Variants in SEC61A1 observed in about 807,000 individuals in gnomAD.
The protein encoded by SEC61A1 is SEC61 translocon subunit alpha 1, also known as protein transport protein Sec61 subunit alpha isoform 1.
SEC61A1 carries 15 observed loss-of-function variants against 55.2 expected under a neutral mutation model. That is an observed-to-expected ratio of 0.27 (90% confidence interval 0.18 to 0.42). The LOEUF is 0.42. SEC61A1 is among the 10% of genes least tolerant of loss of function. The pLI, the probability that SEC61A1 is intolerant of heterozygous loss-of-function variation, is 1.00. For missense variants in SEC61A1, 284 were observed against 602.6 expected, an observed-to-expected ratio of 0.47 and a Z score of 5.53; for synonymous variants, 247 against 234.0, an observed-to-expected ratio of 1.06 and a Z score of -0.51.
rs747986918 is a variant in SEC61A1 at position 128,067,647 on chromosome 3, A to G, written c.1167+35A>G. On this transcript the variant is annotated intron_variant, in intron 10 of 11. Transcript: ENST00000243253. This position sits in a 1 kb window ranked among gnomAD's most constrained non-coding sequence, Gnocchi z 4.1. Reference sequence around the variant, plus strand: ...AGCAAAACTTTCTGGAAGGGTGATGAAAGTGTGACTGGTATAAGGGGTGTG... The same window carrying G: ...AGCAAAACTTTCTGGAAGGGTGATGGAAGTGTGACTGGTATAAGGGGTGTG... The G allele has an allele frequency of 8.6e-6, 13 of 1,519,950 alleles. No individual in the cohort carries two copies. In the South Asian group the frequency reaches 1.3e-4, roughly 15 times the overall value. 94.2% of individuals were successfully genotyped at this position (1,519,950 alleles called of 1,614,324 possible).
chr3:128,071,306 G>C lies in SEC61A1; in HGVS notation c.*1644G>C, dbSNP rs937706406. The C allele has an allele frequency of 1.3e-5, 2 of 152,484 alleles. No individual in the cohort carries two copies. Among genetic ancestry groups the C allele is most frequent in the African/African-American group, 4.8e-5 (2 of 41,468 alleles). The allele number at this position is 152,484 out of a possible 1,614,324, so 9.4% of individuals were successfully genotyped here. A position where few individuals can be genotyped will look rare whatever the true frequency, so the allele number is the denominator to read the frequency against. ...TCTAGACCCAGTCCTGAGCAGGGGA[G>C]AGGCTCTTGAGACCTGATGCCCTCC... On this transcript the variant is annotated 3_prime_UTR_variant, in exon 12 of 12. Coordinates refer to ENST00000243253, the MANE Select transcript of SEC61A1 (RefSeq NM_013336.4).
intron 11 of SEC61A1, 136 bp downstream of exon 11, chr3:128,068,195 G>A: frequency 3.0e-6 from 2 of 656,696 alleles, no homozygotes; most frequent in Admixed American, 2.7e-5. Flanking sequence ...AGAATTAAAT[G>A]TTATATATTT....
At chr3:128,056,984 T>C (rs956441224) in intron 5 of SEC61A1, 144 bp downstream of exon 5, 46 of 553,526 alleles carry the variant, frequency 8.3e-5, no homozygotes, top group Non-Finnish European at 9.1e-5. Context: ...TTGCCCAGGC[T>C]GGAGTGCAGT....
intron 7 of SEC61A1, chr3:128,064,639 G>C (rs1183260775): frequency 4.0e-6 from 2 of 502,624 alleles, no homozygotes; most frequent in African/African-American, 3.8e-5. Context: ...CCGAGAGAGA[G>C]GGACCCTGTC....
chr3:128,060,254 C>T (rs375117047), intron 6 of SEC61A1, 43 bp downstream of exon 6: 1 of 1,365,972 alleles, frequency 7.3e-7, no homozygotes, highest in African/African-American at 1.4e-5. Flanking sequence ...GCCCCTCACA[C>T]TTACCTACAA....
chr3:128,058,033 T>G (rs1941798459), intron 5 of SEC61A1, among the ~76,000 whole-genome samples: 1 of 152,040 alleles, frequency 6.6e-6, no homozygotes, highest in Non-Finnish European at 1.5e-5. Flanking sequence ...GTGTTACTAG[T>G]AACAATTACT....
At chr3:128,058,201 ATTTTTTT>A (rs57508280) in intron 5 of SEC61A1, among the ~76,000 whole-genome samples, 143 of 79,374 alleles carry the variant, frequency 1.8e-3, no homozygotes, top group African/African-American at 6.6e-3. Flanking sequence ...AAATACGTCT[ATTTTTTT>A]TTTTTTTTTT....
intron 4 of SEC61A1, 92 bp downstream of exon 4, chr3:128,055,843 T>C (rs1252226135): frequency 2.0e-6 from 2 of 1,016,382 alleles, no homozygotes; most frequent in Admixed American, 3.9e-5. Flanking sequence ...ATATGGAACT[T>C]AGAGAGTGAC....
chr3:128,064,738 C>G, intron 7 of SEC61A1, 139 bp from the exon 8 acceptor site: 1 of 651,606 alleles, frequency 1.5e-6, no homozygotes, highest in Non-Finnish European at 2.7e-6. Context: ...ATAATACATG[C>G]TGTATCCCTG....
intron 1 of SEC61A1, 98 bp downstream of exon 1, chr3:128,052,657 C>T: frequency 2.6e-6 from 4 of 1,543,672 alleles, no homozygotes; most frequent in Non-Finnish European, 3.5e-6. Context: ...CCCTGACCGG[C>T]CCCCTGCAGA....
Position 128,060,142 on chromosome 3 carries a change from T to C in SEC61A1, c.393T>C (p.Tyr131=). The C allele has an allele frequency of 6.2e-7, 1 of 1,614,036 alleles. No individual in the cohort carries two copies. Among genetic ancestry groups the C allele is most frequent in the East Asian group, 2.2e-5 (1 of 44,904 alleles). Residue 131 remains tyrosine, a synonymous_variant, in exon 6 of 12, where the codon TAT becomes TAC. Transcript: ENST00000243253. ...TTACTATCGGCCAGTCTATCGTGTA[T>C]GTGATGACCGGGATGTATGGGGACC... ...MIITIGQSIV[Y]VMTGMYGDPS...
At chr3:128,065,101 G>T (rs754918599) in intron 8 of SEC61A1, 64 bp downstream of exon 8, 4 of 1,525,240 alleles carry the variant, frequency 2.6e-6, no homozygotes, top group Non-Finnish European at 3.6e-6. Context: ...AATGCCTTGT[G>T]TGCAGTCCCC....
At chr3:128,066,092 C>T (rs931512045) in intron 8 of SEC61A1, among the ~76,000 whole-genome samples, 2 of 151,948 alleles carry the variant, frequency 1.3e-5, no homozygotes, top group Non-Finnish European at 2.9e-5. Flanking sequence ...GTTCTAGGTA[C>T]TGGGAGCTCA....
At chr3:128,054,012 T>A (rs1366650126) in intron 2 of SEC61A1, among the ~76,000 whole-genome samples, 1 of 152,202 alleles carries the variant, frequency 6.6e-6, no homozygotes, top group African/African-American at 2.4e-5. Context: ...TGTAGCATGT[T>A]TGGATGGGAG....
chr3:128,056,937 A>ATTTT, intron 5 of SEC61A1, 97 bp downstream of exon 5: 1 of 850,840 alleles, frequency 1.2e-6, no homozygotes, highest in Non-Finnish European at 1.6e-6. Flanking sequence ...TTTATTTTTT[A>ATTTT]TTTTTTTTTT....
At position 128,066,934 on chromosome 3, in the gene SEC61A1, G is replaced by T; in HGVS notation, c.778-20G>T. 6.2e-7 allele frequency: 1 copy of T among 1,613,664 alleles called. No homozygotes were observed. The highest frequency in any genetic ancestry group is 2.2e-5 in the East Asian group (1 of 44,870). On this transcript the variant is annotated intron_variant, in intron 8 of 11. Transcript: ENST00000243253. ...TGAAATGAGGCAGTGAAGGGGATTT[G>T]GTTCTGTTTGGCTTCTCAGGGCTTC...
intron 2 of SEC61A1, among the ~76,000 whole-genome samples, chr3:128,053,419 C>T (rs1446583063): frequency 6.6e-6 from 1 of 152,116 alleles, no homozygotes. Context: ...TTTTCACAGA[C>T]GGTGTATTAA....
intron 7 of SEC61A1, among the ~76,000 whole-genome samples, chr3:128,063,242 C>CT (rs1378859303): frequency 6.6e-6 from 1 of 152,212 alleles, no homozygotes; most frequent in Non-Finnish European, 1.5e-5. Flanking sequence ...GATGGGTCCT[C>CT]TAAGTACAGT....
chr3:128,063,780 T>G lies in SEC61A1; in HGVS notation c.617-1097T>G, dbSNP rs59871493. Among the ~76,000 whole-genome samples the G allele has an allele frequency of 8.7e-4, 133 of 152,356 alleles. 1 individual carries two copies. Among genetic ancestry groups the G allele is most frequent in the African/African-American group, 3.1e-3 (129 of 41,596 alleles). On this transcript the variant is annotated intron_variant, in intron 7 of 11. Coordinates refer to ENST00000243253, the MANE Select transcript of SEC61A1 (RefSeq NM_013336.4). The stretch of plus-strand genomic sequence containing the variant: ...CCAGGCTTCCATTATGGGATGGTTA[T>G]GCTGTCCTGGAACGGCAGAGGTTAT...
Sources: allele counts gnomAD v4.1 joint callset (sites outside exome capture counted in the v4.1 genomes callset), GRCh38; gene constraint gnomAD v4.1.1; non-coding constraint Gnocchi (gnomAD v3.1); transcripts MANE v1.5; gene names NCBI Gene and HGNC (gene_info 2026-07-23, HGNC 2026-07-21).